CACNA1A: variants seen among roughly 807,000 people sequenced by gnomAD.
The protein encoded by CACNA1A is calcium voltage-gated channel subunit alpha1 A, also known as voltage-dependent P/Q-type calcium channel subunit alpha-1A.
In CACNA1A, 57 loss-of-function variants were observed where a neutral mutation model predicts 262.4. That is an observed-to-expected ratio of 0.22 (90% CI 0.18 to 0.27). The LOEUF (loss-of-function observed/expected upper bound fraction) is 0.27, where lower values mean the gene tolerates loss of function less well. Among genes scored for constraint, CACNA1A ranks in the 10% least tolerant of loss-of-function variants. CACNA1A has a pLI of 1.00. For synonymous variants in CACNA1A, 1,431 were observed against 1,419.3 expected, an observed-to-expected ratio of 1.01 and a Z score of -0.18; for missense variants, 2,526 against 3,562.8, an observed-to-expected ratio of 0.71 and a Z score of 7.41.
intron 3 of CACNA1A, among the ~76,000 whole-genome samples, chr19:13,418,452 T>C (rs1020505270): frequency 6.6e-6 from 1 of 152,148 alleles, no homozygotes; most frequent in African/African-American, 2.4e-5. Flanking sequence ...TGCTACCTTA[T>C]TTAGAAAAAA....
chr19:13,257,512 C>T lies in CACNA1A; in HGVS notation c.4428G>A (p.Gln1476=), dbSNP rs778277169. 1 of 1,599,672 alleles carries T rather than the reference C, an allele frequency of 6.3e-7. No homozygotes were observed. The highest frequency in any genetic ancestry group is 2.2e-5 in the East Asian group (1 of 44,500). The change falls in exon 28 of 47, where the codon CAG becomes CAA. Residue 1476 remains glutamine (Q), a synonymous_variant. Coordinates refer to ENST00000360228, the MANE Select transcript of CACNA1A (RefSeq NM_001127222.2). The part of the protein sequence containing the change: ...KHSVDATFEN[Q]GPSPGYRMEM... The stretch of plus-strand genomic sequence containing the variant: ...CCATGCGGTACCCGGGGCTGGGGCC[C>T]TGGTTCTCAAAGGTGGCGTCCACCG...
intron 6 of CACNA1A, among the ~76,000 whole-genome samples, chr19:13,339,041 T>C (rs987582389): frequency 1.3e-5 from 2 of 152,052 alleles, no homozygotes; most frequent in Non-Finnish European, 2.9e-5. Context: ...AATTTTTGTA[T>C]TTTTAGTAGA....
chr19:13,478,446 T>G (rs1182143141), intron 1 of CACNA1A, among the ~76,000 whole-genome samples: 30 of 152,164 alleles, frequency 2.0e-4, no homozygotes. Flanking sequence ...GCCTCCTAAG[T>G]AGCTGGAACT....
chr19:13,286,599 G>C lies in CACNA1A; in HGVS notation c.3457C>G (p.Gln1153Glu), dbSNP rs201612257. The change falls in exon 20 of 47, where the codon CAG (glutamine) becomes GAG (glutamate). Residue 1153 changes from glutamine to glutamate, a missense_variant. By Grantham distance (29) the Gln-to-Glu change is conservative. Coordinates refer to ENST00000360228, the MANE Select transcript of CACNA1A (RefSeq NM_001127222.2). ...CTGGCAGTCTTAGCTGAATTGGTCT[G>C]GGTGCCGCTGGGGTTGGTGACGATA... is the stretch of plus-strand genomic sequence containing the variant. ...SLIVTNPSGTQTNSAKTARKP... is the reference protein window; with the variant it reads ...SLIVTNPSGTETNSAKTARKP... The C allele has an allele frequency of 2.4e-4, 374 of 1,544,578 alleles. 1 individual carries two copies. In the African/African-American group the frequency reaches 4.8e-3, roughly 20 times the overall value.
At chr19:13,342,975 G>A (rs2058701215) in intron 6 of CACNA1A, among the ~76,000 whole-genome samples, 1 of 151,760 alleles carries the variant, frequency 6.6e-6, no homozygotes, top group Non-Finnish European at 1.5e-5. Context: ...GGCTGGTCTC[G>A]AACTCCTGGG....
intron 3 of CACNA1A, among the ~76,000 whole-genome samples, chr19:13,448,967 A>C (rs2060866617): frequency 6.7e-6 from 1 of 149,082 alleles, no homozygotes; most frequent in South Asian, 2.1e-4. Flanking sequence ...TTTATTTTTT[A>C]TTTTATTTTA....
intron 20 of CACNA1A, among the ~76,000 whole-genome samples, chr19:13,285,660 C>T (rs1220836263): frequency 3.9e-5 from 6 of 152,120 alleles, no homozygotes; most frequent in Admixed American, 3.3e-4. Context: ...AATACTGAGA[C>T]CTCCCATAAA....
chr19:13,293,007 A>T (rs2057578022), intron 19 of CACNA1A, among the ~76,000 whole-genome samples: 1 of 152,184 alleles, frequency 6.6e-6, no homozygotes, highest in South Asian at 2.1e-4. Flanking sequence ...GGGTCTGGCC[A>T]GCTGAGGCTA....
Position 13,299,257 on chromosome 19 carries a change from G to A in CACNA1A, c.2376C>T (p.Ala792=). The change falls in exon 19 of 47, where the codon GCC becomes GCT. Residue 792 remains alanine (A), a synonymous_variant. Coordinates refer to ENST00000360228, the MANE Select transcript of CACNA1A (RefSeq NM_001127222.2). The stretch of plus-strand genomic sequence containing the variant: ...CGTCCGGGTCCATTTCGTTATACAG[G>A]GCCTCCCGGCTGGCCAGCAAGTTCT... ...RKQNLLASRE[A]LYNEMDPDER... The A allele has an allele frequency of 6.2e-7, 1 of 1,607,506 alleles. No individual in the cohort carries two copies. Among genetic ancestry groups the A allele is most frequent in the Non-Finnish European group, 8.5e-7 (1 of 1,179,832 alleles).
Position 13,214,199 on chromosome 19 carries a change from A to G in CACNA1A, c.5940+34T>C, listed in dbSNP as rs1600093158. Reference sequence around the variant, plus strand: ...TGGTGACATGCAAGCCACTGTCCCCAGCCCAGATGTCCCCAGAGCGGCGAA... The same window carrying G: ...TGGTGACATGCAAGCCACTGTCCCCGGCCCAGATGTCCCCAGAGCGGCGAA... On this transcript the variant is annotated intron_variant, in intron 40 of 46. Coordinates refer to ENST00000360228, the MANE Select transcript of CACNA1A (RefSeq NM_001127222.2). This position sits in a 1 kb window ranked among gnomAD's most constrained non-coding sequence, Gnocchi z 4.1. 1 of 1,552,752 alleles carries G rather than the reference A, an allele frequency of 6.4e-7. No homozygotes were observed. Among genetic ancestry groups the G allele is most frequent in the Non-Finnish European group, 8.8e-7 (1 of 1,141,026 alleles).
chr19:13,344,221 C>CAAA (rs35162704), intron 6 of CACNA1A, among the ~76,000 whole-genome samples: 1,514 of 121,282 alleles, frequency 0.012, 24 homozygotes, highest in African/African-American at 0.025. Context: ...CTCAAAAAAG[C>CAAA]AAAAAAAAAA....
At chr19:13,390,375 G>T (rs546085103) in intron 3 of CACNA1A, among the ~76,000 whole-genome samples, 51 of 152,286 alleles carry the variant, frequency 3.3e-4, no homozygotes, top group African/African-American at 1.1e-3. Flanking sequence ...GCCTTCCAAA[G>T]CACTGGGATT....
At chr19:13,418,737 C>CT (rs2060267418) in intron 3 of CACNA1A, among the ~76,000 whole-genome samples, 1 of 152,120 alleles carries the variant, frequency 6.6e-6, no homozygotes. Flanking sequence ...TGAGAGAATA[C>CT]ATTTCCCTTG....
rs114066734 is a variant in CACNA1A at position 13,214,568 on chromosome 19, C to A, written c.5772G>T (p.Lys1924Asn). Residue 1924 changes from lysine (K) to asparagine (N), a missense_variant, in exon 39 of 47, where the codon AAG (lysine) becomes AAT (asparagine). By Grantham distance (94) the Lys-to-Asn change is moderately conservative. Around this residue, in one of 17 missense-constraint regions of CACNA1A, gnomAD observed 112 missense variants for 197.2 expected, o/e 0.57. Transcript: ENST00000360228. The surrounding 1 kb of genome is among the most constrained non-coding windows in gnomAD (Gnocchi z 4.1). ...GATTGGGCCAAATCGCCATCATCTC[C>A]TTCCGCAGCTCAGCGTCCATCTGCT... Reference protein sequence around the residue: ...DKQQMDAELRKEMMAIWPNLS... With the variant: ...DKQQMDAELRNEMMAIWPNLS... The A allele has an allele frequency of 6.2e-7, 1 of 1,614,000 alleles. No individual in the cohort carries two copies. Among genetic ancestry groups the A allele is most frequent in the African/African-American group, 1.3e-5 (1 of 75,074 alleles).
chr19:13,385,755 A>G (rs1398880013), intron 3 of CACNA1A, among the ~76,000 whole-genome samples: 2 of 152,182 alleles, frequency 1.3e-5, no homozygotes, highest in African/African-American at 4.8e-5. Context: ...CCTGGCATAC[A>G]GTAGGCACTC....
At chr19:13,261,363 T>G (rs553478860) in intron 26 of CACNA1A, 87 bp downstream of exon 26, 1 of 1,196,892 alleles carries the variant, frequency 8.4e-7, no homozygotes, top group African/African-American at 1.5e-5. Flanking sequence ...CTCCAGTCTC[T>G]GAGCCCAAGT....
chr19:13,487,051 C>T (rs569997319), intron 1 of CACNA1A, among the ~76,000 whole-genome samples: 7 of 152,328 alleles, frequency 4.6e-5, no homozygotes, highest in South Asian at 4.1e-4. Context: ...ATCAGTGGCA[C>T]GGACGCCTGC....
chr19:13,342,171 T>C (rs1039131758), intron 6 of CACNA1A, among the ~76,000 whole-genome samples: 1 of 149,012 alleles, frequency 6.7e-6, no homozygotes, highest in Admixed American at 6.7e-5. Context: ...GGTGGAAGGC[T>C]GGGTGCAGTT....
At chr19:13,326,109 A>C (rs1024297216) in intron 10 of CACNA1A, among the ~76,000 whole-genome samples, 3 of 151,924 alleles carry the variant, frequency 2.0e-5, no homozygotes, top group African/African-American at 7.3e-5. Flanking sequence ...TGAGGTCAGG[A>C]GTTTGAGACC....
Sources: gnomAD v4.1 joint callset for allele counts (sites outside exome capture counted in the v4.1 genomes callset) on GRCh38, gnomAD v4.1.1 for gene constraint, gnomAD v4.1.1 regional missense constraint, Gnocchi (gnomAD v3.1) non-coding constraint, MANE v1.5 for transcripts, NCBI Gene and HGNC (gene_info 2026-07-23, HGNC 2026-07-21) for gene names.